The following PPP1R13L variants were observed in gnomAD, a reference collection of about 807,000 sequenced individuals.
PPP1R13L encodes protein phosphatase 1 regulatory subunit 13 like.
PPP1R13L carries 50 observed loss-of-function variants against 80.9 expected under a neutral mutation model. That is an observed-to-expected ratio of 0.62 (90% CI 0.49 to 0.78). The LOEUF (loss-of-function observed/expected upper bound fraction) is 0.78. Ranked by LOEUF, PPP1R13L falls within the 30% of genes least tolerant of loss-of-function variation. PPP1R13L has a pLI of 0.00. For missense variants in PPP1R13L, 1,200 were observed against 1,205.9 expected (o/e 1.00, Z 0.07); for synonymous variants, 602 against 534.3 (o/e 1.13, Z -1.75).
intron 8 of PPP1R13L, among the ~76,000 whole-genome samples, chr19:45,389,725 A>C (rs1246234738): frequency 6.6e-6 from 1 of 152,110 alleles, no homozygotes; most frequent in Non-Finnish European, 1.5e-5. Context: ...CAGGAGAATC[A>C]CTTTAACCCA....
In PPP1R13L at chr19:45,385,863, G is replaced by A; in HGVS notation, c.2042C>T (p.Thr681Ile). Reference sequence around the variant, plus strand: ...GGGGGAGTTGACATTGGCACCCGCGGTGATGAGGAAATCCACGATAGAGTA... The same window carrying A: ...GGGGGAGTTGACATTGGCACCCGCGATGATGAGGAAATCCACGATAGAGTA... ...ANYSIVDFLI[T>I]AGANVNSPDS... The change falls in exon 10 of 13, where the codon ACC (threonine) becomes ATC (isoleucine). Residue 681 changes from threonine (T) to isoleucine (I), a missense_variant. Coordinates refer to ENST00000360957, the MANE Select transcript of PPP1R13L (RefSeq NM_006663.4). 6.2e-7 allele frequency: 1 copy of A among 1,611,024 alleles called. No homozygotes were observed.
chr19:45,395,624 C>A lies in PPP1R13L; in HGVS notation c.1166G>T (p.Arg389Leu), dbSNP rs766004008. The A allele has an allele frequency of 3.4e-6, 5 of 1,470,356 alleles. No individual in the cohort carries two copies. The highest frequency in any genetic ancestry group is 4.5e-6 in the Non-Finnish European group (5 of 1,116,274). The allele number at this position is 1,470,356 out of a possible 1,614,324, so 91.1% of individuals were successfully genotyped here. The stretch of plus-strand genomic sequence containing the variant: ...GAGGGGGGACCCAGGGAGCATGGCG[C>A]GGCTGGCCCCGTGCTCCCAGAAGGC... ...QNAFWEHGAS[R>L]AMLPGSPLFT... The change falls in exon 7 of 13, where the codon CGC becomes CTC. Residue 389 changes from arginine to leucine, a missense_variant. This residue lies in a region of PPP1R13L where 764 missense variants were observed against 714.5 expected (regional missense o/e 1.07). Transcript: ENST00000360957.
intron 3 of PPP1R13L, 140 bp downstream of exon 3, chr19:45,397,865 C>T: frequency 8.7e-7 from 1 of 1,144,050 alleles, no homozygotes; most frequent in African/African-American, 1.6e-5. Context: ...CGCGCCTGGC[C>T]TGGTCCCCTT....
rs757685121 is a variant in PPP1R13L, at chr19:45,396,348, C to G, written c.801G>C (p.Ala267=). ...GCCTCCACCACTCACGTTCATAGCTCGCTGTCTGCGAAGGCTTCTTCTCGT... is the reference window on the plus strand; with the variant it reads ...GCCTCCACCACTCACGTTCATAGCTGGCTGTCTGCGAAGGCTTCTTCTCGT... ...VAYEKKPSQT[A]SYERLDVFAR... is the part of the protein sequence containing the mutation. The change falls in exon 5 of 13, where the codon GCG becomes GCC. Residue 267 remains alanine (A), a synonymous_variant. Coordinates refer to ENST00000360957, the MANE Select transcript of PPP1R13L (RefSeq NM_006663.4). This position sits in a 1 kb window ranked among gnomAD's most constrained non-coding sequence, Gnocchi z 5.3. The G allele has an allele frequency of 2.8e-5, 46 of 1,614,110 alleles. No individual in the cohort carries two copies. Among genetic ancestry groups the G allele is most frequent in the Non-Finnish European group, 3.8e-5 (45 of 1,180,014 alleles).
intron 1 of PPP1R13L, among the ~76,000 whole-genome samples, chr19:45,400,535 T>G (rs1346122795): frequency 6.6e-6 from 1 of 151,500 alleles, no homozygotes; most frequent in African/African-American, 2.4e-5. Context: ...TGTGTGACCT[T>G]GGGCGTTGAG....
In PPP1R13L at chr19:45,380,231, G is replaced by A. The variant is rs982078700; in HGVS notation, c.2449-3C>T. On this transcript the variant is annotated splice_polypyrimidine_tract_variant and splice_region_variant and intron_variant, in intron 12 of 12. Transcript: ENST00000360957. ...TGAGGCTTCACCCTGGGGAACAGCT[G>A]GGGAGAGACAGGATCTTCAGACATC... 4.3e-6 allele frequency: 7 copies of A among 1,613,980 alleles called. No homozygotes were observed. The Admixed American group carries it at 1.0e-4, about 23-fold the overall frequency.
Position 45,379,970 on chromosome 19 carries a change from C to A in PPP1R13L, c.*220G>T. ...GTGGTTTCCTGTCCCCAGTGATTTC[C>A]AGCCCTTCCCAGACCTCCCAAGGCT... is the stretch of plus-strand genomic sequence containing the variant. On this transcript the variant is annotated 3_prime_UTR_variant, in exon 13 of 13. Transcript: ENST00000360957. The A allele has an allele frequency of 2.1e-6, 1 of 478,162 alleles. No individual in the cohort carries two copies. Among genetic ancestry groups the A allele is most frequent in the Non-Finnish European group, 3.7e-6 (1 of 269,958 alleles). The allele number at this position is 478,162 out of a possible 1,614,324, so 29.6% of individuals were successfully genotyped here. A position where few individuals can be genotyped will look rare whatever the true frequency, so the allele number is the denominator to read the frequency against.
In PPP1R13L at chr19:45,398,098, C is replaced by A. The variant is rs1013692412; in HGVS notation, c.105G>T (p.Ala35=). 1 of 1,614,166 alleles carries A rather than the reference C, an allele frequency of 6.2e-7. No individual in the cohort carries two copies. The highest frequency in any genetic ancestry group is 1.7e-5 in the Admixed American group (1 of 60,016). ...TGGTCAGTTCATCCACCTTGGCCGC[C>A]GCCGTGTCCAGCTCCATCTGCTTCA... ...MDLKQMELDT[A]AAKVDELTKQ... Residue 35 remains alanine, a synonymous_variant, in exon 3 of 13, where the codon GCG becomes GCT. Transcript: ENST00000360957.
At chr19:45,382,932 G>C (rs997018833) in intron 11 of PPP1R13L, among the ~76,000 whole-genome samples, 1 of 152,138 alleles carries the variant, frequency 6.6e-6, no homozygotes, top group African/African-American at 2.4e-5. Context: ...AGGAAACTGG[G>C]GGAGGCATGC....
intron 8 of PPP1R13L, among the ~76,000 whole-genome samples, chr19:45,388,807 G>A (rs898856338): frequency 6.6e-6 from 1 of 151,544 alleles, no homozygotes; most frequent in Non-Finnish European, 1.5e-5. Flanking sequence ...GCGCAATCTC[G>A]GCTCACTGCA....
intron 8 of PPP1R13L, among the ~76,000 whole-genome samples, chr19:45,391,004 C>G (rs1972961414): frequency 6.6e-6 from 1 of 151,986 alleles, no homozygotes; most frequent in African/African-American, 2.4e-5. Flanking sequence ...TTGAGACCAG[C>G]CTGGCCAGCA....
chr19:45,403,564 G>T (rs1973272063), intron 1 of PPP1R13L, among the ~76,000 whole-genome samples: 1 of 152,096 alleles, frequency 6.6e-6, no homozygotes, highest in African/African-American at 2.4e-5. Flanking sequence ...TTCTCCACTC[G>T]TAATGAGGAG....
At chr19:45,387,621 CT>C (rs1414508409) in intron 8 of PPP1R13L, among the ~76,000 whole-genome samples, 1 of 152,134 alleles carries the variant, frequency 6.6e-6, no homozygotes, top group Non-Finnish European at 1.5e-5. Context: ...GTGGTGCGAT[CT>C]CAGCTCACTG....
At chr19:45,382,106 T>C (rs1355538278) in intron 12 of PPP1R13L, among the ~76,000 whole-genome samples, 1 of 151,730 alleles carries the variant, frequency 6.6e-6, no homozygotes, top group Non-Finnish European at 1.5e-5. Flanking sequence ...CCGGGCGTGG[T>C]GGTGGTGGGC....
intron 8 of PPP1R13L, among the ~76,000 whole-genome samples, chr19:45,387,740 A>G (rs1377033246): frequency 2.6e-5 from 4 of 152,088 alleles, no homozygotes; most frequent in Non-Finnish European, 5.9e-5. Flanking sequence ...TTTAGTAAAG[A>G]TGGGGTTTCA....
chr19:45,398,204 C>G, intron 2 of PPP1R13L, 57 bp from the exon 3 acceptor site: 1 of 1,612,632 alleles, frequency 6.2e-7, no homozygotes, highest in Non-Finnish European at 8.5e-7. Flanking sequence ...CCGGCCTCAG[C>G]ACCCCTCGCC....
intron 11 of PPP1R13L, among the ~76,000 whole-genome samples, chr19:45,385,162 G>A (rs1231183530): frequency 1.3e-5 from 2 of 152,164 alleles, no homozygotes; most frequent in African/African-American, 4.8e-5. Flanking sequence ...CCCCTTTCTG[G>A]CAGCTGTAGC....
At chr19:45,405,092 G>A, upstream of PPP1R13L, 3 of 981,684 alleles carry the variant, frequency 3.1e-6, no homozygotes, top group Non-Finnish European at 3.6e-6. Context: ...CTGGGAACAG[G>A]TTAGACGACG....
chr19:45,399,679 C>T (rs750228021), intron 1 of PPP1R13L, among the ~76,000 whole-genome samples: 1 of 151,856 alleles, frequency 6.6e-6, no homozygotes, highest in African/African-American at 2.4e-5. Flanking sequence ...ACCAGCCAGG[C>T]GCGGTGGTTC....
Sources: allele counts gnomAD v4.1 joint callset (sites outside exome capture counted in the v4.1 genomes callset), GRCh38; gene constraint gnomAD v4.1.1; regional missense constraint gnomAD v4.1.1; non-coding constraint Gnocchi (gnomAD v3.1); transcripts MANE v1.5; gene names NCBI Gene and HGNC (gene_info 2026-07-23, HGNC 2026-07-21).